The following DPY19L1 variants were observed in gnomAD, a reference collection of about 807,000 sequenced individuals.
The protein encoded by DPY19L1 is dpy-19 like C-mannosyltransferase 1.
A neutral mutation model predicts 96.9 loss-of-function variants in DPY19L1; 35 were observed. The observed-to-expected ratio is 0.36, with a 90% CI of 0.28 to 0.48. The LOEUF (loss-of-function observed/expected upper bound fraction) is 0.48. Ranked by LOEUF, DPY19L1 falls within the 20% of genes least tolerant of loss-of-function variation. DPY19L1 has a pLI of 0.99. For synonymous variants in DPY19L1, 205 were observed against 252.6 expected, an observed-to-expected ratio of 0.81 and a Z score of 1.79; for missense variants, 521 against 777.9, an observed-to-expected ratio of 0.67 and a Z score of 3.93.
At chr7:35,018,712 G>A in intron 1 of DPY19L1, 116 bp from the exon 2 acceptor site, 2 of 916,844 alleles carry the variant, frequency 2.2e-6, no homozygotes, top group African/African-American at 1.7e-5. Flanking sequence ...AAGAATACTG[G>A]GTCTTCAAAA....
chr7:34,964,695 A>G (rs1239988827), intron 10 of DPY19L1, among the ~76,000 whole-genome samples: 2 of 152,230 alleles, frequency 1.3e-5, no homozygotes, highest in Non-Finnish European at 2.9e-5. Context: ...TCTTTTTAAA[A>G]GTGCTCAAAG....
At chr7:34,988,129 A>T (rs2128671746) in intron 7 of DPY19L1, 1 of 152,270 alleles carries the variant, frequency 6.6e-6, no homozygotes, top group Middle Eastern at 3.4e-3. Flanking sequence ...TTCATGCCAC[A>T]TGAGTATCAA....
At chr7:35,005,503 TA>T (rs1785530965) in intron 6 of DPY19L1, among the ~76,000 whole-genome samples, 1 of 151,006 alleles carries the variant, frequency 6.6e-6, no homozygotes, top group Admixed American at 6.6e-5. Context: ...GAAGTCCAAT[TA>T]AAAAGTTTTA....
intron 13 of DPY19L1, among the ~76,000 whole-genome samples, chr7:34,952,902 G>A (rs1291706247): frequency 2.0e-5 from 3 of 152,162 alleles, no homozygotes; most frequent in Non-Finnish European, 4.4e-5. Flanking sequence ...ATAAAAAACT[G>A]AGAAACTGTG....
At chr7:35,036,398 G>T (rs1381276572) in intron 1 of DPY19L1, among the ~76,000 whole-genome samples, 3 of 151,652 alleles carry the variant, frequency 2.0e-5, no homozygotes, top group Non-Finnish European at 4.4e-5. Context: ...CGAAACATAC[G>T]AATGCGTCAA....
At chr7:34,970,911 A>G (rs1421367440) in intron 8 of DPY19L1, among the ~76,000 whole-genome samples, 1 of 152,184 alleles carries the variant, frequency 6.6e-6, no homozygotes, top group Non-Finnish European at 1.5e-5. Flanking sequence ...AGGTGGGTAT[A>G]TAAACTGAAT....
At chr7:34,984,375 G>A (rs1785003481) in intron 7 of DPY19L1, among the ~76,000 whole-genome samples, 1 of 152,116 alleles carries the variant, frequency 6.6e-6, no homozygotes, top group Non-Finnish European at 1.5e-5. Flanking sequence ...ATGTGCAAAG[G>A]CCCTGAGGAA....
intron 21 of DPY19L1, among the ~76,000 whole-genome samples, chr7:34,937,594 G>A (rs1783897111): frequency 6.6e-6 from 1 of 151,946 alleles, no homozygotes; most frequent in Admixed American, 6.5e-5. Flanking sequence ...AAAAAAAAAA[G>A]ATATTTATAA....
rs1244865406 is a variant in DPY19L1 at position 34,959,107 on chromosome 7, G to GA, written c.1093-1038dup. Among the ~76,000 whole-genome samples the GA allele has an allele frequency of 2.6e-5, 4 of 151,644 alleles. No individual in the cohort carries two copies. In the East Asian group the frequency reaches 5.8e-4, roughly 22 times the overall value. On this transcript the variant is annotated intron_variant, in intron 10 of 21. Coordinates refer to ENST00000638088, the MANE Select transcript of DPY19L1 (RefSeq NM_001366673.1). ...ACATTTATGCAGCCAACAAACATAT[G>GA]AAAAAAAAGCTCATCATAATTGGTC... is the stretch of plus-strand genomic sequence containing the variant.
At chr7:34,973,822 T>C (rs1562812610) in intron 7 of DPY19L1, among the ~76,000 whole-genome samples, 1 of 152,122 alleles carries the variant, frequency 6.6e-6, no homozygotes, top group East Asian at 1.9e-4. Context: ...AAAGCATTAA[T>C]ATCATGAATT....
intron 6 of DPY19L1, among the ~76,000 whole-genome samples, chr7:34,990,791 T>C (rs1259121619): frequency 1.3e-5 from 2 of 152,250 alleles, no homozygotes; most frequent in Non-Finnish European, 2.9e-5. Flanking sequence ...CTCATGCTGC[T>C]TTCTCATTAT....
At chr7:34,967,669 C>T (rs1396089300) in intron 9 of DPY19L1, among the ~76,000 whole-genome samples, 4 of 152,166 alleles carry the variant, frequency 2.6e-5, no homozygotes, top group Admixed American at 2.6e-4. Flanking sequence ...AATGCCTCTA[C>T]ACCCTTCCTC....
chr7:34,935,112 T>G (rs34842288), intron 21 of DPY19L1, among the ~76,000 whole-genome samples: 124 of 152,314 alleles, frequency 8.1e-4, no homozygotes, highest in East Asian at 4.4e-3. Context: ...TTCTACCTTG[T>G]AATTTTCTCA....
At chr7:34,978,392 C>T (rs1295123748) in intron 7 of DPY19L1, among the ~76,000 whole-genome samples, 1 of 152,128 alleles carries the variant, frequency 6.6e-6, no homozygotes, top group Non-Finnish European at 1.5e-5. Context: ...ATGCTTTAAA[C>T]ACTATATTTA....
chr7:34,937,381 TG>T (rs1480041188), intron 21 of DPY19L1, among the ~76,000 whole-genome samples: 21 of 152,306 alleles, frequency 1.4e-4, no homozygotes, highest in African/African-American at 4.8e-4. Flanking sequence ...ATGTGACCCC[TG>T]GTGCTCAGCT....
rs539390574 is a variant in DPY19L1 at position 34,960,540 on chromosome 7, A to C, written c.1093-2470T>G. ...GTTTATTTGGATTTCTCAAGTATTC[A>C]AAATGATATCAACTACAAACAATGA... On this transcript the variant is annotated intron_variant, in intron 10 of 21. Transcript: ENST00000638088. 5.3e-5 allele frequency among the ~76,000 whole-genome samples: 8 copies of C among 152,290 alleles called. No individual in the cohort carries two copies. The South Asian group carries it at 1.7e-3, about 32-fold the overall frequency.
In DPY19L1 at chr7:35,035,411, A is replaced by G. The variant is rs577833094; in HGVS notation, c.298+1686T>C. On this transcript the variant is annotated intron_variant, in intron 1 of 21. Coordinates refer to ENST00000638088, the MANE Select transcript of DPY19L1 (RefSeq NM_001366673.1). ...ATGCATCCATCCAAAGAAGATTCAA[A>G]GGAAACGCAATCAAAAAAGAAAATA... Among the ~76,000 whole-genome samples the G allele has an allele frequency of 3.3e-5, 5 of 152,356 alleles. No individual in the cohort carries two copies. The South Asian group carries it at 1.0e-3, about 32-fold the overall frequency.
chr7:34,987,680 G>A (rs1406454792), intron 7 of DPY19L1, among the ~76,000 whole-genome samples: 1 of 151,990 alleles, frequency 6.6e-6, no homozygotes, highest in Non-Finnish European at 1.5e-5. Flanking sequence ...AGTGAGCAAT[G>A]CTCTACAAAA....
chr7:34,932,378 A>G (rs567743069), intron 21 of DPY19L1, among the ~76,000 whole-genome samples: 1 of 152,238 alleles, frequency 6.6e-6, no homozygotes, highest in Non-Finnish European at 1.5e-5. Context: ...TTACAGTTGG[A>G]CAAAATCATC....
Sources: allele counts gnomAD v4.1 joint callset (sites outside exome capture counted in the v4.1 genomes callset), GRCh38; gene constraint gnomAD v4.1.1; transcripts MANE v1.5; gene names NCBI Gene and HGNC (gene_info 2026-07-23, HGNC 2026-07-21).